Variants in UNC13C observed in about 807,000 individuals in gnomAD.
The protein encoded by UNC13C is unc-13 homolog C.
In UNC13C, 174 loss-of-function variants were observed where a neutral mutation model predicts 245.4. The observed-to-expected ratio is 0.71, with a 90% confidence interval of 0.63 to 0.80. The LOEUF is 0.80. Ranked by LOEUF, UNC13C falls within the 30% of genes least tolerant of loss-of-function variation. The pLI, the probability that UNC13C is intolerant of heterozygous loss-of-function variation, is 0.00. For missense variants in UNC13C, 2,829 were observed against 2,602.9 expected, an observed-to-expected ratio of 1.09 and a Z score of -1.89; for synonymous variants, 992 against 895.1, an observed-to-expected ratio of 1.11 and a Z score of -1.93.
chr15:54,122,882 G>C (rs1567031091), intron 2 of UNC13C, among the ~76,000 whole-genome samples: 1 of 152,080 alleles, frequency 6.6e-6, no homozygotes, highest in African/African-American at 2.4e-5. Context: ...GTTATTTCCA[G>C]TATTTGGGTA....
intron 25 of UNC13C, among the ~76,000 whole-genome samples, chr15:54,531,102 G>C (rs1190544286): frequency 3.3e-5 from 5 of 152,142 alleles, no homozygotes; most frequent in Admixed American, 2.0e-4. Flanking sequence ...TTCGCTGACA[G>C]GTTGGATGTT....
chr15:54,315,512 A>G (rs2037985982), intron 13 of UNC13C, among the ~76,000 whole-genome samples: 1 of 151,248 alleles, frequency 6.6e-6, no homozygotes, highest in Non-Finnish European at 1.5e-5. Flanking sequence ...CTTCTTGTAT[A>G]ATTTCCTTTC....
chr15:54,426,191 A>C (rs1049532595), intron 19 of UNC13C, among the ~76,000 whole-genome samples: 6 of 151,342 alleles, frequency 4.0e-5, no homozygotes, highest in African/African-American at 1.5e-4. Flanking sequence ...GAACATATTC[A>C]TATTCAGTAA....
At chr15:54,620,964 G>GA (rs1345812656) in intron 30 of UNC13C, among the ~76,000 whole-genome samples, 33 of 152,138 alleles carry the variant, frequency 2.2e-4, no homozygotes, top group Admixed American at 2.2e-3. Context: ...CTTCAGTGGT[G>GA]AGGGGTCATT....
intron 10 of UNC13C, among the ~76,000 whole-genome samples, chr15:54,285,320 G>C (rs1178284596): frequency 6.6e-6 from 1 of 151,864 alleles, no homozygotes; most frequent in Admixed American, 6.6e-5. Context: ...GGTGAGAAAA[G>C]TTTCTCTGCA....
intron 17 of UNC13C, among the ~76,000 whole-genome samples, chr15:54,340,750 T>C (rs1232673850): frequency 6.6e-6 from 1 of 152,132 alleles, no homozygotes; most frequent in Non-Finnish European, 1.5e-5. Context: ...TTTTGCTTAG[T>C]CTTGCTTTGG....
At chr15:54,205,080 T>C (rs929698201) in intron 4 of UNC13C, among the ~76,000 whole-genome samples, 1 of 152,004 alleles carries the variant, frequency 6.6e-6, no homozygotes, top group African/African-American at 2.4e-5. Context: ...ATCAGAGAAC[T>C]GAAAGAGTTT....
intron 4 of UNC13C, among the ~76,000 whole-genome samples, chr15:54,229,892 A>G (rs2035501209): frequency 6.6e-6 from 1 of 151,960 alleles, no homozygotes; most frequent in Admixed American, 6.6e-5. Flanking sequence ...GTTTCTATGG[A>G]TGGCTTATTT....
intron 30 of UNC13C, among the ~76,000 whole-genome samples, chr15:54,584,127 G>A (rs1898352040): frequency 6.6e-6 from 1 of 152,090 alleles, no homozygotes; most frequent in African/African-American, 2.4e-5. Context: ...TTTCCCCTTG[G>A]CCAGGGCTCT....
chr15:54,544,953 C>G (rs747879609), intron 26 of UNC13C, among the ~76,000 whole-genome samples: 1 of 152,052 alleles, frequency 6.6e-6, no homozygotes, highest in African/African-American at 2.4e-5. Flanking sequence ...ACTACTTTAA[C>G]TTTCATATGG....
Position 54,626,966 on chromosome 15 carries a change from G to C in UNC13C, c.6498G>C (p.Gly2166=). 6.2e-7 allele frequency: 1 copy of C among 1,613,422 alleles called. No homozygotes were observed. The highest frequency in any genetic ancestry group is 1.1e-5 in the South Asian group (1 of 91,068). Residue 2166 remains glycine, a synonymous_variant, in exon 33 of 33, where the codon GGG becomes GGC. Transcript: ENST00000260323. ...ACATAGCAGAAAAGGGAAGCTATGG[G>C]GCATGGTATCCTCTTCTGAAAAATA... ...LQNIAEKGSY[G]AWYPLLKNIS...
intron 14 of UNC13C, among the ~76,000 whole-genome samples, chr15:54,331,695 G>A (rs989545054): frequency 3.3e-5 from 5 of 152,084 alleles, no homozygotes; most frequent in South Asian, 2.1e-4. Context: ...TCTTGCTGAC[G>A]CATTATATTG....
chr15:54,524,168 C>G (rs1895345951), intron 24 of UNC13C, among the ~76,000 whole-genome samples: 1 of 150,718 alleles, frequency 6.6e-6, no homozygotes, highest in African/African-American at 2.5e-5. Flanking sequence ...GAATAGAACT[C>G]TAGAAAGTAT....
chr15:53,959,166 C>T, the UNC13C span, among the ~76,000 whole-genome samples: 1 of 152,052 alleles, frequency 6.6e-6, no homozygotes, highest in Non-Finnish European at 1.5e-5. Flanking sequence ...GTGTATATAT[C>T]ACATTGTTTT....
intron 19 of UNC13C, among the ~76,000 whole-genome samples, chr15:54,422,974 C>CAT (rs2040681110): frequency 7.1e-6 from 1 of 141,766 alleles, no homozygotes; most frequent in South Asian, 2.2e-4. Context: ...CACACACACA[C>CAT]ACACACACAA....
chr15:54,282,746 G>A (rs1487505226), intron 10 of UNC13C, among the ~76,000 whole-genome samples: 5 of 152,096 alleles, frequency 3.3e-5, no homozygotes, highest in African/African-American at 4.8e-5. Context: ...GAAGAATGAG[G>A]TCATGTGGAC....
At chr15:54,535,958 A>G (rs1895965535) in intron 26 of UNC13C, among the ~76,000 whole-genome samples, 1 of 152,096 alleles carries the variant, frequency 6.6e-6, no homozygotes, top group Non-Finnish European at 1.5e-5. Flanking sequence ...CCAACCGAAA[A>G]GCCAGCAGAA....
chr15:54,258,177 A>G (rs2036328715), intron 8 of UNC13C, among the ~76,000 whole-genome samples: 1 of 151,976 alleles, frequency 6.6e-6, no homozygotes, highest in Admixed American at 6.6e-5. Context: ...AAAATAAATA[A>G]GTTATTTTCT....
chr15:54,607,995 C>T (rs141876991), intron 30 of UNC13C, among the ~76,000 whole-genome samples: 189 of 152,242 alleles, frequency 1.2e-3, no homozygotes, highest in African/African-American at 4.4e-3. Flanking sequence ...AAGGAACATG[C>T]TCTCCTTGCA....
Sources: allele counts gnomAD v4.1 joint callset (sites outside exome capture counted in the v4.1 genomes callset), GRCh38; gene constraint gnomAD v4.1.1; transcripts MANE v1.5; gene names NCBI Gene and HGNC (gene_info 2026-07-23, HGNC 2026-07-21).